EXOC4: variants seen among roughly 807,000 people sequenced by gnomAD.
EXOC4 encodes the protein exocyst complex component 4.
Under a neutral mutation model 107.2 loss-of-function variants are expected in EXOC4, and 71 were observed. The ratio of observed to expected loss-of-function variants is 0.66; its 90% CI spans 0.55 to 0.81. The LOEUF is 0.81. EXOC4 is among the 30% of genes least tolerant of loss of function. EXOC4 has a pLI of 0.00. For missense variants in EXOC4, 1,108 were observed against 1,189.6 expected (o/e 0.93, Z 1.01); for synonymous variants, 456 against 441.2 (o/e 1.03, Z -0.42).
chr7:134,025,836 C>T (rs558363708), intron 17 of EXOC4, among the ~76,000 whole-genome samples: 1 of 152,334 alleles, frequency 6.6e-6, no homozygotes, highest in African/African-American at 2.4e-5. Flanking sequence ...CATAGTATCA[C>T]TTCTGTCACT....
At chr7:133,253,671 C>T (rs1365981749) in intron 1 of EXOC4, 1 of 232,862 alleles carries the variant, frequency 4.3e-6, no homozygotes, top group Non-Finnish European at 7.0e-6. Flanking sequence ...TGTGCGTGGC[C>T]ACAGCCACAA....
At chr7:133,585,442 T>TA (rs1405547244) in intron 9 of EXOC4, among the ~76,000 whole-genome samples, 1 of 152,162 alleles carries the variant, frequency 6.6e-6, no homozygotes, top group Non-Finnish European at 1.5e-5. Context: ...GCAGTGGTGA[T>TA]ACAGCAGTGA....
intron 9 of EXOC4, chr7:133,484,095 A>G (rs1235211336): frequency 6.2e-7 from 1 of 1,613,560 alleles, no homozygotes; most frequent in Admixed American, 1.7e-5. Flanking sequence ...AAAAAGCTCA[A>G]ATTTTACAAA....
At position 133,787,958 on chromosome 7, in the gene EXOC4, TATATTTATATATATATATA is replaced by T. The variant is rs1796614583; in HGVS notation, c.1515-29366_1515-29348del. Among the ~76,000 whole-genome samples, 418 of 52,978 alleles carry T rather than the reference TATATTTATATATATATATA, an allele frequency of 7.9e-3. 46 individuals carry two copies. The highest frequency in any genetic ancestry group is 0.023 in the East Asian group (31 of 1,340). The allele number at this position is 52,978 out of a possible 152,430, so 34.8% of individuals were successfully genotyped here. A position where few individuals can be genotyped will look rare whatever the true frequency, so the allele number is the denominator to read the frequency against. ...TACTTCTTCCCTGTGCATATATTTA[TATATTTATATATATATATA>T]TATATATATATATATATATATATAT... On this transcript the variant is annotated intron_variant, in intron 10 of 17. Coordinates refer to ENST00000253861, the MANE Select transcript of EXOC4 (RefSeq NM_021807.4).
intron 9 of EXOC4, among the ~76,000 whole-genome samples, chr7:133,505,000 C>G (rs1450779653): frequency 5.3e-5 from 8 of 151,766 alleles, no homozygotes; most frequent in Non-Finnish European, 1.2e-4. Flanking sequence ...AGAGTCAGGT[C>G]GGAGATTGAA....
intron 11 of EXOC4, among the ~76,000 whole-genome samples, chr7:133,827,035 C>G (rs1056212448): frequency 2.0e-5 from 3 of 152,158 alleles, no homozygotes; most frequent in African/African-American, 7.2e-5. Flanking sequence ...CTTAGAAAAT[C>G]TGAACATACA....
intron 7 of EXOC4, among the ~76,000 whole-genome samples, chr7:133,472,091 T>A (rs1023796208): frequency 6.6e-6 from 1 of 152,178 alleles, no homozygotes; most frequent in Non-Finnish European, 1.5e-5. Context: ...AGTTAAGTAA[T>A]TTTGATTGCA....
At chr7:133,558,158 A>G (rs892546659) in intron 9 of EXOC4, among the ~76,000 whole-genome samples, 8 of 143,146 alleles carry the variant, frequency 5.6e-5, no homozygotes, top group Non-Finnish European at 7.7e-5. Context: ...TACTTCCTGA[A>G]AGGAAATGCT....
chr7:133,725,211 G>T (rs1012252512), intron 10 of EXOC4, among the ~76,000 whole-genome samples: 1 of 152,178 alleles, frequency 6.6e-6, no homozygotes, highest in East Asian at 1.9e-4. Context: ...GTATTGGTCA[G>T]AAAAATTTTA....
chr7:133,676,004 T>C (rs1264418753), intron 10 of EXOC4, among the ~76,000 whole-genome samples: 1 of 152,166 alleles, frequency 6.6e-6, no homozygotes, highest in Non-Finnish European at 1.5e-5. Flanking sequence ...TGTGGCAATG[T>C]CGTCTGCTTC....
At chr7:133,925,181 C>G (rs553861860) in intron 13 of EXOC4, among the ~76,000 whole-genome samples, 5 of 152,258 alleles carry the variant, frequency 3.3e-5, no homozygotes, top group African/African-American at 1.2e-4. Context: ...GAATCCATTG[C>G]CCTTTGCATT....
chr7:133,644,527 A>G (rs1032175597), intron 10 of EXOC4, among the ~76,000 whole-genome samples: 12 of 152,216 alleles, frequency 7.9e-5, no homozygotes, highest in African/African-American at 2.7e-4. Context: ...ATATGTGAAA[A>G]TACATTGTCT....
At chr7:133,255,237 C>T (rs886730465) in intron 1 of EXOC4, among the ~76,000 whole-genome samples, 9 of 151,752 alleles carry the variant, frequency 5.9e-5, no homozygotes, top group Non-Finnish European at 1.2e-4. Flanking sequence ...AGTGCAGTGG[C>T]GCGATCTCGG....
chr7:133,691,005 C>T (rs962093445), intron 10 of EXOC4, among the ~76,000 whole-genome samples: 1 of 152,082 alleles, frequency 6.6e-6, no homozygotes, highest in African/African-American at 2.4e-5. Flanking sequence ...AAATTTCTGC[C>T]CTGCTTTTAA....
intron 9 of EXOC4, among the ~76,000 whole-genome samples, chr7:133,527,522 C>T (rs1800103382): frequency 6.6e-6 from 1 of 152,062 alleles, no homozygotes; most frequent in Admixed American, 6.6e-5. Context: ...TCTGATTTAT[C>T]CAAACATGGG....
intron 10 of EXOC4, among the ~76,000 whole-genome samples, chr7:133,685,069 A>G (rs1339460299): frequency 6.6e-6 from 1 of 152,182 alleles, no homozygotes; most frequent in African/African-American, 2.4e-5. Flanking sequence ...CCATGGATAA[A>G]GTCTTCTAAA....
chr7:133,650,380 C>G (rs753411410), intron 10 of EXOC4, among the ~76,000 whole-genome samples: 33 of 151,918 alleles, frequency 2.2e-4, no homozygotes, highest in Non-Finnish European at 4.7e-4. Context: ...GCTCTAGGCT[C>G]AATTGATCCT....
intron 17 of EXOC4, among the ~76,000 whole-genome samples, chr7:134,027,911 T>C (rs968745790): frequency 6.6e-6 from 1 of 152,174 alleles, no homozygotes; most frequent in African/African-American, 2.4e-5. Context: ...TGGCCACAAA[T>C]GATCCAGATA....
intron 9 of EXOC4, among the ~76,000 whole-genome samples, chr7:133,514,449 A>G (rs558057037): frequency 6.6e-6 from 1 of 152,316 alleles, no homozygotes; most frequent in South Asian, 2.1e-4. Context: ...GGCGTGAGCC[A>G]CTGTGCACGG....
Sources: gnomAD v4.1 joint callset for allele counts (sites outside exome capture counted in the v4.1 genomes callset) on GRCh38, gnomAD v4.1.1 for gene constraint, MANE v1.5 for transcripts, NCBI Gene and HGNC (gene_info 2026-07-23, HGNC 2026-07-21) for gene names.